Variants in CCDC88A observed in about 807,000 individuals in gnomAD.
The protein encoded by CCDC88A is girdin.
CCDC88A carries 54 observed loss-of-function variants against 234.3 expected under a neutral mutation model. The ratio of observed to expected loss-of-function variants is 0.23; its 90% CI spans 0.19 to 0.29. The LOEUF is 0.29. CCDC88A is among the 10% of genes least tolerant of loss of function. The pLI, the probability that CCDC88A is intolerant of heterozygous loss-of-function variation, is 1.00. For missense variants in CCDC88A, 1,832 were observed against 2,123.4 expected (o/e 0.86, Z 2.70); for synonymous variants, 753 against 737.8 (o/e 1.02, Z -0.33).
At chr2:55,374,550 T>C (rs1673321950) in intron 4 of CCDC88A, among the ~76,000 whole-genome samples, 1 of 152,186 alleles carries the variant, frequency 6.6e-6, no homozygotes, top group African/African-American at 2.4e-5. Flanking sequence ...TTCTCTATAA[T>C]GAGACACTAA....
chr2:55,381,893 C>T (rs576036468), intron 3 of CCDC88A, among the ~76,000 whole-genome samples: 19 of 152,280 alleles, frequency 1.2e-4, no homozygotes, highest in African/African-American at 3.8e-4. Flanking sequence ...CTAAAATACA[C>T]AGAAATGACA....
chr2:55,406,723 C>T (rs1441007265), intron 2 of CCDC88A, among the ~76,000 whole-genome samples: 4 of 151,576 alleles, frequency 2.6e-5, no homozygotes, highest in Non-Finnish European at 5.9e-5. Flanking sequence ...CAGACCACTG[C>T]ACTCCAACTT....
chr2:55,369,841 A>C (rs1672561762), intron 5 of CCDC88A, among the ~76,000 whole-genome samples: 1 of 152,160 alleles, frequency 6.6e-6, no homozygotes, highest in African/African-American at 2.4e-5. Context: ...TACTTCTTCA[A>C]TGCACCAATG....
chr2:55,418,746 T>A (rs1681870077), intron 2 of CCDC88A, 70 bp downstream of exon 2: 2 of 1,228,194 alleles, frequency 1.6e-6, no homozygotes, highest in Non-Finnish European at 2.4e-6. Flanking sequence ...GCTTAAAACA[T>A]CGTGTCTCAA....
chr2:55,389,499 C>G (rs1172493455), intron 2 of CCDC88A, among the ~76,000 whole-genome samples: 1 of 152,140 alleles, frequency 6.6e-6, no homozygotes, highest in Non-Finnish European at 1.5e-5. Flanking sequence ...GTCAAGAAAT[C>G]GACACCCATC....
At chr2:55,405,384 C>G (rs936852797) in intron 2 of CCDC88A, 1 of 151,942 alleles carries the variant, frequency 6.6e-6, no homozygotes, top group African/African-American at 2.4e-5. Flanking sequence ...TCAGCACACT[C>G]TCTCTCTCTC....
chr2:55,312,538 C>G lies in CCDC88A; in HGVS notation c.3975G>C (p.Arg1325=). The part of the protein sequence containing the change: ...QLKGNLEEEN[R]HLLDQIQTLM... ...ATGTCTGAATTTGATCTAGTAGATG[C>G]CGATTTTCTTCTTCTAAATTTCCTT... The change falls in exon 23 of 33, where the codon CGG becomes CGC. Residue 1325 remains arginine (R), a synonymous_variant. Coordinates refer to ENST00000436346, the MANE Select transcript of CCDC88A (RefSeq NM_001365480.1). 1 of 1,609,714 alleles carries G rather than the reference C, an allele frequency of 6.2e-7. No individual in the cohort carries two copies. Among genetic ancestry groups the G allele is most frequent in the Non-Finnish European group, 8.5e-7 (1 of 1,178,126 alleles).
At chr2:55,324,131 T>G (rs181525996) in intron 17 of CCDC88A, 205 of 152,104 alleles carry the variant, frequency 1.3e-3, no homozygotes, top group African/African-American at 4.7e-3. Flanking sequence ...TGTAACAAAG[T>G]AATTTAGAGC....
chr2:55,368,705 T>C (rs1443072366), intron 5 of CCDC88A, among the ~76,000 whole-genome samples: 1 of 152,208 alleles, frequency 6.6e-6, no homozygotes, highest in African/African-American at 2.4e-5. Context: ...AAATTGTATC[T>C]TGCTATTTCT....
intron 8 of CCDC88A, among the ~76,000 whole-genome samples, chr2:55,351,120 T>G (rs1330449502): frequency 6.6e-6 from 1 of 152,208 alleles, no homozygotes. Context: ...CTTTTCTTTT[T>G]TAAGAGAGAG....
At chr2:55,407,457 T>C (rs561000603) in intron 2 of CCDC88A, among the ~76,000 whole-genome samples, 105 of 151,182 alleles carry the variant, frequency 6.9e-4, no homozygotes, top group Non-Finnish European at 1.4e-3. Flanking sequence ...ATACAAAAAT[T>C]AGCCAGGCAT....
intron 18 of CCDC88A, 95 bp from the exon 19 acceptor site, chr2:55,319,099 A>T (rs1683304843): frequency 1.0e-6 from 1 of 969,282 alleles, no homozygotes; most frequent in Admixed American, 2.7e-5. Context: ...ATGAGTATTT[A>T]TTAGCATTAT....
At chr2:55,413,681 A>G (rs189724795) in intron 2 of CCDC88A, among the ~76,000 whole-genome samples, 16 of 152,292 alleles carry the variant, frequency 1.1e-4, no homozygotes, top group Admixed American at 4.6e-4. Context: ...AATAGAGTCA[A>G]GCAAAGAGTC....
At chr2:55,312,079 A>C (rs1257735839) in intron 23 of CCDC88A, among the ~76,000 whole-genome samples, 1 of 151,994 alleles carries the variant, frequency 6.6e-6, no homozygotes, top group African/African-American at 2.4e-5. Flanking sequence ...GAACCTATAA[A>C]TCTCCACTCA....
rs573516404 is a variant in CCDC88A, at chr2:55,336,437, G to A, written c.1656+244C>T. On this transcript the variant is annotated intron_variant, in intron 14 of 32. Transcript: ENST00000436346. The stretch of plus-strand genomic sequence containing the variant: ...ACAGACACTTGAAAGCACAAGTACT[G>A]CAAATGCTTATACTAGATGATTATT... Among the ~76,000 whole-genome samples, 44 of 151,920 alleles carry A rather than the reference G, an allele frequency of 2.9e-4. No individual in the cohort carries two copies. In the South Asian group the frequency reaches 6.0e-3, roughly 21 times the overall value.
intron 18 of CCDC88A, 47 bp from the exon 19 acceptor site, chr2:55,319,051 C>T (rs772743732): frequency 6.7e-7 from 1 of 1,500,542 alleles, no homozygotes; most frequent in Non-Finnish European, 9.2e-7. Flanking sequence ...ATAATGGCAA[C>T]ATCAAATATG....
At chr2:55,384,034 T>C (rs1675049069) in intron 3 of CCDC88A, among the ~76,000 whole-genome samples, 1 of 151,512 alleles carries the variant, frequency 6.6e-6, no homozygotes, top group Non-Finnish European at 1.5e-5. Context: ...TACCAGACTC[T>C]GTCTCAAAAA....
intron 23 of CCDC88A, among the ~76,000 whole-genome samples, chr2:55,310,307 C>T (rs941701835): frequency 2.6e-5 from 4 of 152,036 alleles, no homozygotes; most frequent in African/African-American, 7.2e-5. Flanking sequence ...TAAGGCAGGG[C>T]GTGGTGGCTC....
At chr2:55,362,787 T>A (rs1025168252) in intron 6 of CCDC88A, among the ~76,000 whole-genome samples, 6 of 151,998 alleles carry the variant, frequency 3.9e-5, no homozygotes, top group Admixed American at 1.3e-4. Flanking sequence ...GACTTCTAAT[T>A]TATTGTACTT....
Sources: allele counts gnomAD v4.1 joint callset (sites outside exome capture counted in the v4.1 genomes callset), GRCh38; gene constraint gnomAD v4.1.1; transcripts MANE v1.5; gene names NCBI Gene and HGNC (gene_info 2026-07-23, HGNC 2026-07-21).